The following SPATA31C2 variants were observed in gnomAD, a reference collection of about 807,000 sequenced individuals.
SPATA31C2 encodes SPATA31 subfamily C member 2, also known as spermatogenesis-associated protein 31C2.
SPATA31C2 carries 5 observed loss-of-function variants against 11.4 expected under a neutral mutation model. That is an observed-to-expected ratio of 0.44 (90% CI 0.23 to 0.92). The LOEUF is 0.92. SPATA31C2 is among the 40% of genes least tolerant of loss of function. The pLI, the probability that SPATA31C2 is intolerant of heterozygous loss-of-function variation, is 0.24. For missense variants in SPATA31C2, 1,353 were observed against 1,368.6 expected (o/e 0.99, Z 0.18); for synonymous variants, 515 against 538.7 (o/e 0.96, Z 0.61).
In SPATA31C2 at chr9:88,131,422, C is replaced by T; in HGVS notation, c.1615G>A (p.Val539Ile). Residue 539 changes from valine (V) to isoleucine (I), a missense_variant, in exon 4 of 4, where the codon GTT becomes ATT. Coordinates refer to ENST00000324915, the MANE Select transcript of SPATA31C2 (RefSeq NM_001350978.3). ...SRGMESFPGK[V>I]LGATSEESER... ...GACTCCTCAGAGGTCGCCCCCAGAA[C>T]CTTCCCTGGGAAGCTTTCCATGCCC... The T allele has an allele frequency of 6.2e-7, 1 of 1,611,978 alleles. No homozygotes were observed. The highest frequency in any genetic ancestry group is 8.5e-7 in the Non-Finnish European group (1 of 1,179,864).
Position 88,131,152 on chromosome 9 carries a change from C to G in SPATA31C2, c.1885G>C (p.Val629Leu), listed in dbSNP as rs537328122. ...LAAPKSRKAC[V>L]NTAQVLSFLE... Reference sequence around the variant, plus strand: ...AAGGAAAGCACCTGGGCTGTGTTCACACAGGCTTTCCTGCTTTTCGGGGCT... The same window carrying G: ...AAGGAAAGCACCTGGGCTGTGTTCAGACAGGCTTTCCTGCTTTTCGGGGCT... Residue 629 changes from valine (V) to leucine (L), a missense_variant, in exon 4 of 4, where the codon GTG becomes CTG. Around this residue, in one of 6 missense-constraint regions of SPATA31C2, gnomAD observed 1,075 missense variants for 992.8 expected, o/e 1.08. Transcript: ENST00000324915. The G allele has an allele frequency of 6.2e-7, 1 of 1,611,876 alleles. No homozygotes were observed. The highest frequency in any genetic ancestry group is 1.3e-5 in the African/African-American group (1 of 74,860).
chr9:88,131,177 T>C lies in SPATA31C2; in HGVS notation c.1860A>G (p.Ala620=), dbSNP rs1283469537. Residue 620 remains alanine, a synonymous_variant, in exon 4 of 4, where the codon GCA becomes GCG. Transcript: ENST00000324915. ...SNTHVKTSNL[A]APKSRKACVN... ...CACAGGCTTTCCTGCTTTTCGGGGC[T>C]GCTAGATTGCTGGTTTTCACGTGGG... is the stretch of plus-strand genomic sequence containing the variant. The C allele has an allele frequency of 1.2e-6, 2 of 1,611,654 alleles. No homozygotes were observed. Among genetic ancestry groups the C allele is most frequent in the Non-Finnish European group, 1.7e-6 (2 of 1,179,878 alleles).
intron 1 of SPATA31C2, among the ~76,000 whole-genome samples, chr9:88,137,752 G>A (rs904976609): frequency 2.2e-5 from 2 of 90,536 alleles, no homozygotes; most frequent in Non-Finnish European, 4.0e-5. Context: ...GAGCTGTCAG[G>A]TAGCATTCTG....
In SPATA31C2 at chr9:88,131,458, T is replaced by G. The variant is rs1397896631; in HGVS notation, c.1579A>C (p.Asn527His). The change falls in exon 4 of 4, where the codon AAT becomes CAT. Residue 527 changes from asparagine to histidine, a missense_variant. By Grantham distance (68) the Asn-to-His change is moderately conservative. Coordinates refer to ENST00000324915, the MANE Select transcript of SPATA31C2 (RefSeq NM_001350978.3). ...AAGCTTTCCATGCCCCTGGATAGAT[T>G]TTGTGGGGTCTCACCCAGAATTTGC... ...LGQILGETPQ[N>H]LSRGMESFPG... is the part of the protein sequence containing the mutation. The G allele has an allele frequency of 1.2e-6, 2 of 1,611,716 alleles. No individual in the cohort carries two copies. Among genetic ancestry groups the G allele is most frequent in the South Asian group, 1.1e-5 (1 of 90,968 alleles).
In SPATA31C2 at chr9:88,131,852, C is replaced by T; in HGVS notation, c.1185G>A (p.Gln395=). The T allele has an allele frequency of 6.2e-7, 1 of 1,611,182 alleles. No individual in the cohort carries two copies. The highest frequency in any genetic ancestry group is 8.5e-7 in the Non-Finnish European group (1 of 1,179,258). ...KVQALSLPET[Q]HPERPLLKKQ... Reference sequence around the variant, plus strand: ...TCTTCAACAAAGGCCTTTCAGGGTGCTGAGTTTCAGGTAGGGAGAGAGCTT... The same window carrying T: ...TCTTCAACAAAGGCCTTTCAGGGTGTTGAGTTTCAGGTAGGGAGAGAGCTT... The change falls in exon 4 of 4, where the codon CAG becomes CAA. Residue 395 remains glutamine, a synonymous_variant. Coordinates refer to ENST00000324915, the MANE Select transcript of SPATA31C2 (RefSeq NM_001350978.3).
At chr9:88,132,898 C>A (rs1259821825) in intron 3 of SPATA31C2, 68 bp downstream of exon 3, 1 of 1,336,940 alleles carries the variant, frequency 7.5e-7, no homozygotes, top group African/African-American at 2.0e-5. Context: ...CAGCTCCAGG[C>A]TGCCTGTGGC....
chr9:88,132,535 G>A lies in SPATA31C2; in HGVS notation c.502C>T (p.Pro168Ser), dbSNP rs575343829. The A allele has an allele frequency of 1.1e-4, 184 of 1,610,830 alleles. No homozygotes were observed. The highest frequency in any genetic ancestry group is 1.7e-4 in the Middle Eastern group (1 of 6,046). The change falls in exon 4 of 4, where the codon CCT (proline) becomes TCT (serine). Residue 168 changes from proline (P) to serine (S), a missense_variant. Coordinates refer to ENST00000324915, the MANE Select transcript of SPATA31C2 (RefSeq NM_001350978.3). ...GGTGGGGTGGAGGCCAGATCCTGAGGATGCTTGGTTCGAGGATCCGGGGAA... is the reference window on the plus strand; with the variant it reads ...GGTGGGGTGGAGGCCAGATCCTGAGAATGCTTGGTTCGAGGATCCGGGGAA... ...LASPDPRTKH[P>S]QDLASTPPPG...
chr9:88,131,609 C>G lies in SPATA31C2; in HGVS notation c.1428G>C (p.Leu476Phe). ...SLDLMQLQDELPGTSQAKGKP... is the reference protein window; with the variant it reads ...SLDLMQLQDEFPGTSQAKGKP... ...TGCCCTTGGCCTGACTTGTCCCTGGCAATTCATCCTGAAGCTGCATCAGAT... is the reference window on the plus strand; with the variant it reads ...TGCCCTTGGCCTGACTTGTCCCTGGGAATTCATCCTGAAGCTGCATCAGAT... Residue 476 changes from leucine to phenylalanine, a missense_variant, in exon 4 of 4, where the codon TTG becomes TTC. By Grantham distance (22) the Leu-to-Phe change is conservative (BLOSUM62 0). Transcript: ENST00000324915. The G allele has an allele frequency of 3.7e-6, 6 of 1,611,870 alleles. No individual in the cohort carries two copies. The highest frequency in any genetic ancestry group is 4.2e-6 in the Non-Finnish European group (5 of 1,179,846).
chr9:88,137,273 CAGTT>C (rs542169569), intron 1 of SPATA31C2, among the ~76,000 whole-genome samples: 224 of 148,814 alleles, frequency 1.5e-3, no homozygotes, highest in South Asian at 0.012. Context: ...GGTTCTGGAG[CAGTT>C]AGATACCATA....
At position 88,129,809 on chromosome 9, in the gene SPATA31C2, C is replaced by G; in HGVS notation, c.3228G>C (p.Ser1076=). ...NMSLCHARHA[S]KVNQQRQQFQ... The stretch of plus-strand genomic sequence containing the variant: ...ACTGCTGTCTTTGCTGATTTACCTT[C>G]GAGGCATGGCGCGCATGGCAAAGTG... The change falls in exon 4 of 4, where the codon TCG becomes TCC. Residue 1076 remains serine (S), a synonymous_variant. Coordinates refer to ENST00000324915, the MANE Select transcript of SPATA31C2 (RefSeq NM_001350978.3). 14 of 1,604,370 alleles carry G rather than the reference C, an allele frequency of 8.7e-6. No homozygotes were observed. Among genetic ancestry groups the G allele is most frequent in the Non-Finnish European group, 1.2e-5 (14 of 1,173,774 alleles).
chr9:88,134,170 C>A lies in SPATA31C2; in HGVS notation c.190-501G>T, dbSNP rs1225377539. On this transcript the variant is annotated intron_variant, in intron 1 of 3. Coordinates refer to ENST00000324915, the MANE Select transcript of SPATA31C2 (RefSeq NM_001350978.3). ...TAAATAAAAATAACACACAAACACACACGCACACACACAGGGATTTTCAAT... is the reference window on the plus strand; with the variant it reads ...TAAATAAAAATAACACACAAACACAAACGCACACACACAGGGATTTTCAAT... Among the ~76,000 whole-genome samples, 3 of 147,300 alleles carry A rather than the reference C, an allele frequency of 2.0e-5. No homozygotes were observed. In the East Asian group the frequency reaches 6.2e-4, roughly 30 times the overall value.
At chr9:88,133,519 T>G in intron 2 of SPATA31C2, 75 bp downstream of exon 2, 2 of 1,577,092 alleles carry the variant, frequency 1.3e-6, no homozygotes. Context: ...TTTTTTCAAC[T>G]GACTTCTTCA....
At chr9:88,134,969 ATT>A in intron 1 of SPATA31C2, 2 of 1,334,302 alleles carry the variant, frequency 1.5e-6, no homozygotes, top group Non-Finnish European at 2.1e-6. Context: ...GAATAGGCGC[ATT>A]GCTTTCTAGC....
In SPATA31C2 at chr9:88,132,072, T is replaced by C; in HGVS notation, c.965A>G (p.Gln322Arg). 1 of 1,610,738 alleles carries C rather than the reference T, an allele frequency of 6.2e-7. No homozygotes were observed. Among genetic ancestry groups the C allele is most frequent in the Non-Finnish European group, 8.5e-7 (1 of 1,177,648 alleles). The change falls in exon 4 of 4, where the codon CAG (glutamine) becomes CGG (arginine). Residue 322 changes from glutamine (Q) to arginine (R), a missense_variant. This residue lies in a region of SPATA31C2 where 1,075 missense variants were observed against 992.8 expected (regional missense o/e 1.08). Coordinates refer to ENST00000324915, the MANE Select transcript of SPATA31C2 (RefSeq NM_001350978.3). ...RDTTMSPLLF[Q>R]AQPLSHLEPE... is the part of the protein sequence containing the mutation. ...CTCCAGATGGGACAGGGGCTGGGCC[T>C]GGAAAAGCAGTGGGGACATTGTAGT... is the stretch of plus-strand genomic sequence containing the variant.
chr9:88,133,101 A>G, intron 2 of SPATA31C2, 75 bp from the exon 3 acceptor site: 1 of 1,129,034 alleles, frequency 8.9e-7, no homozygotes, highest in Non-Finnish European at 1.2e-6. Flanking sequence ...ATGTTTCTTT[A>G]GGGAAGACCA....
In SPATA31C2 at chr9:88,131,061, C is replaced by T; in HGVS notation, c.1976G>A (p.Trp659Ter). The change falls in exon 4 of 4, where the codon TGG becomes TAG. Residue 659 changes from tryptophan (W) to a stop codon, truncating the protein, a stop_gained. Transcript: ENST00000324915. LOFTEE classifies it low-confidence loss of function (END_TRUNC). The stretch of plus-strand genomic sequence containing the variant: ...CTTGAGGACCCTGAGGGGTAGACCC[C>T]ACCTGTGTTTGGCCCAAAACCTCAC... ...HIVRFWAKHR[W>*]GLPLRVLKPI... 1 of 1,612,044 alleles carries T rather than the reference C, an allele frequency of 6.2e-7. No individual in the cohort carries two copies. Among genetic ancestry groups the T allele is most frequent in the Non-Finnish European group, 8.5e-7 (1 of 1,179,864 alleles).
At chr9:88,137,160 A>G (rs371511964) in intron 1 of SPATA31C2, among the ~76,000 whole-genome samples, 3 of 144,858 alleles carry the variant, frequency 2.1e-5, no homozygotes, top group Admixed American at 7.6e-5. Flanking sequence ...TGGCAGGGGG[A>G]CAGACAGTTC....
rs529575677 is a variant in SPATA31C2, at chr9:88,131,290, T to G, written c.1747A>C (p.Lys583Gln). 1.2e-5 allele frequency: 20 copies of G among 1,611,800 alleles called. No individual in the cohort carries two copies. In the African/African-American group the frequency reaches 2.4e-4, roughly 19 times the overall value. ...ENILKAHMSR[K>Q]LGQTNEGLIP... Reference sequence around the variant, plus strand: ...AAGCCCTCGTTGGTCTGGCCCAACTTTCTGCTCATGTGGGCTTTCAGGATG... The same window carrying G: ...AAGCCCTCGTTGGTCTGGCCCAACTGTCTGCTCATGTGGGCTTTCAGGATG... Residue 583 changes from lysine (K) to glutamine (Q), a missense_variant, in exon 4 of 4, where the codon AAG becomes CAG. By Grantham distance (53) the Lys-to-Gln change is moderately conservative. This residue lies in a region of SPATA31C2 where 1,075 missense variants were observed against 992.8 expected (regional missense o/e 1.08). Coordinates refer to ENST00000324915, the MANE Select transcript of SPATA31C2 (RefSeq NM_001350978.3).
intron 1 of SPATA31C2, 59 bp from the exon 2 acceptor site, chr9:88,133,728 A>G: frequency 6.7e-7 from 1 of 1,497,576 alleles, no homozygotes; most frequent in Non-Finnish European, 9.0e-7. Flanking sequence ...CCCCCAGCCC[A>G]GCCGCAGCAC....
Sources: gnomAD v4.1 joint callset for allele counts (sites outside exome capture counted in the v4.1 genomes callset) on GRCh38, gnomAD v4.1.1 for gene constraint, gnomAD v4.1.1 regional missense constraint, MANE v1.5 for transcripts, NCBI Gene and HGNC (gene_info 2026-07-23, HGNC 2026-07-21) for gene names.